Variants in PLET1 observed in about 807,000 individuals in gnomAD.
PLET1 encodes the protein placenta expressed transcript 1.
In PLET1, 20 loss-of-function variants were observed where a neutral mutation model predicts 18.5. The ratio of observed to expected loss-of-function variants is 1.08; its 90% CI spans 0.76 to 1.57. The LOEUF (loss-of-function observed/expected upper bound fraction) is 1.57. Ranked by LOEUF, PLET1 falls within the 40% of genes most tolerant of loss-of-function variation. The pLI, the probability that PLET1 is intolerant of heterozygous loss-of-function variation, is 0.00. For synonymous variants in PLET1, 93 were observed against 93.8 expected (o/e 0.99, Z 0.05); for missense variants, 256 against 246.4 (o/e 1.04, Z -0.26).
At chr11:112,249,963 TAAAAAAAA>T (rs61227342) in intron 3 of PLET1, among the ~76,000 whole-genome samples, 2 of 105,500 alleles carry the variant, frequency 1.9e-5, no homozygotes, top group South Asian at 6.7e-4. Flanking sequence ...TCTCAAAAAT[TAAAAAAAA>T]AAAAAAAAAA....
chr11:112,260,628 G>A lies in PLET1; in HGVS notation c.-39C>T. 2.0e-6 allele frequency: 3 copies of A among 1,516,230 alleles called. No homozygotes were observed. The highest frequency in any genetic ancestry group is 2.7e-6 in the Non-Finnish European group (3 of 1,123,806). 93.9% of individuals were successfully genotyped at this position (1,516,230 alleles called of 1,614,324 possible). Reference sequence around the variant, plus strand: ...TTGGAAAGTGCTAGGCCTGGAATTGGGTGAAACTGACAACTCACCTCTTGT... The same window carrying A: ...TTGGAAAGTGCTAGGCCTGGAATTGAGTGAAACTGACAACTCACCTCTTGT... On this transcript the variant is annotated 5_prime_UTR_variant, in exon 1 of 4. Transcript: ENST00000338832.
At chr11:112,250,753 G>C (rs1860147550) in intron 3 of PLET1, among the ~76,000 whole-genome samples, 1 of 152,060 alleles carries the variant, frequency 6.6e-6, no homozygotes, top group Non-Finnish European at 1.5e-5. Context: ...ATTCCTTCCT[G>C]TGTGAGATCC....
chr11:112,257,367 C>G (rs910583055), intron 1 of PLET1, among the ~76,000 whole-genome samples: 1 of 112,252 alleles, frequency 8.9e-6, no homozygotes, highest in Non-Finnish European at 1.9e-5. Context: ...TTTTAACTCT[C>G]GTTCCTTTTT....
At chr11:112,250,154 C>G (rs574489242) in intron 3 of PLET1, among the ~76,000 whole-genome samples, 5 of 112,826 alleles carry the variant, frequency 4.4e-5, no homozygotes, top group African/African-American at 1.6e-4. Flanking sequence ...CAACTACTTT[C>G]TTTTTCTTTT....
intron 3 of PLET1, among the ~76,000 whole-genome samples, chr11:112,251,283 T>TA (rs11317998): frequency 2.8e-4 from 42 of 147,962 alleles, no homozygotes; most frequent in Admixed American, 1.6e-3. Context: ...TTTTGTAAAT[T>TA]AAAAAAAAAA....
intron 1 of PLET1, among the ~76,000 whole-genome samples, chr11:112,256,826 A>G (rs948748952): frequency 1.3e-5 from 2 of 152,256 alleles, no homozygotes; most frequent in African/African-American, 4.8e-5. Flanking sequence ...GAAGGTGAGC[A>G]GAGACAGTGT....
At chr11:112,249,963 T>TAAAAAAA (rs61227342) in intron 3 of PLET1, among the ~76,000 whole-genome samples, 6 of 105,458 alleles carry the variant, frequency 5.7e-5, no homozygotes, top group South Asian at 3.4e-4. Flanking sequence ...TCTCAAAAAT[T>TAAAAAAA]AAAAAAAAAA....
chr11:112,255,711 G>A (rs960074002), intron 1 of PLET1, 122 bp from the exon 2 acceptor site: 16 of 793,944 alleles, frequency 2.0e-5, no homozygotes, highest in Admixed American at 8.3e-5. Flanking sequence ...TATGCACATC[G>A]AGTATATGGT....
chr11:112,257,277 C>T (rs1468199616), intron 1 of PLET1, among the ~76,000 whole-genome samples: 1 of 152,132 alleles, frequency 6.6e-6, no homozygotes, highest in Non-Finnish European at 1.5e-5. Flanking sequence ...GAAAGCCTTC[C>T]TTCCCTCTCA....
intron 1 of PLET1, among the ~76,000 whole-genome samples, chr11:112,257,823 A>G (rs1377276415): frequency 6.6e-6 from 1 of 152,202 alleles, no homozygotes; most frequent in Non-Finnish European, 1.5e-5. Flanking sequence ...TTTCAAAACC[A>G]AAATAAGGAA....
chr11:112,254,681 ATGTG>A (rs1410708709), intron 2 of PLET1, among the ~76,000 whole-genome samples: 3 of 79,664 alleles, frequency 3.8e-5, no homozygotes, highest in Admixed American at 1.4e-4. Flanking sequence ...TGTGGTATGT[ATGTG>A]TGTGTGGTGT....
intron 3 of PLET1, among the ~76,000 whole-genome samples, chr11:112,249,338 G>A (rs1355652819): frequency 3.3e-5 from 5 of 152,162 alleles, no homozygotes; most frequent in Admixed American, 3.3e-4. Context: ...GTTAATCAGT[G>A]CAAATATGAT....
At chr11:112,258,212 C>T (rs1860245304) in intron 1 of PLET1, among the ~76,000 whole-genome samples, 1 of 151,474 alleles carries the variant, frequency 6.6e-6, no homozygotes, top group Non-Finnish European at 1.5e-5. Flanking sequence ...TTTCTCCTGT[C>T]TTTCTGCTTT....
chr11:112,254,638 G>A (rs201915894), intron 2 of PLET1, among the ~76,000 whole-genome samples: 1 of 133,748 alleles, frequency 7.5e-6, no homozygotes, highest in Non-Finnish European at 1.5e-5. Context: ...GAGTGTGTGT[G>A]GTGTGTGGTG....
intron 2 of PLET1, among the ~76,000 whole-genome samples, chr11:112,254,743 GCT>G (rs1860198632): frequency 8.0e-6 from 1 of 124,608 alleles, no homozygotes. Flanking sequence ...GTGTGTGTGT[GCT>G]GTGTGTGTGG....
chr11:112,255,286 T>C (rs535071990), intron 2 of PLET1, 102 bp downstream of exon 2: 1 of 1,210,380 alleles, frequency 8.3e-7, no homozygotes, highest in East Asian at 2.5e-5. Context: ...GTTCTCCATA[T>C]CACGTCTGGA....
At chr11:112,258,345 G>A (rs1449346586) in intron 1 of PLET1, among the ~76,000 whole-genome samples, 15 of 143,892 alleles carry the variant, frequency 1.0e-4, no homozygotes, top group Non-Finnish European at 1.8e-4. Context: ...GTGCAGTGAC[G>A]TGGTCTCGGC....
intron 1 of PLET1, among the ~76,000 whole-genome samples, chr11:112,258,514 G>A (rs969639481): frequency 6.6e-6 from 1 of 152,026 alleles, no homozygotes; most frequent in Non-Finnish European, 1.5e-5. Flanking sequence ...GAACTCTTGA[G>A]CTCAAGCAAT....
In PLET1 at chr11:112,255,520, G is replaced by T. The variant is rs1362974142; in HGVS notation, c.254C>A (p.Ala85Glu). ...MKTLDENSDS[A>E]GLWQRADKNC... The stretch of plus-strand genomic sequence containing the variant: ...TTTATCCGCTCTTTGCCAGAGGCCC[G>T]CTGAGTCACTGTTCTCGTCCAAGGT... The change falls in exon 2 of 4, where the codon GCG becomes GAG. Residue 85 changes from alanine to glutamate, a missense_variant. Coordinates refer to ENST00000338832, the MANE Select transcript of PLET1 (RefSeq NM_001145024.1). 1.3e-6 allele frequency: 2 copies of T among 1,551,658 alleles called. No homozygotes were observed. Among genetic ancestry groups the T allele is most frequent in the East Asian group, 2.4e-5 (1 of 40,922 alleles).
Sources: allele counts gnomAD v4.1 joint callset (sites outside exome capture counted in the v4.1 genomes callset), GRCh38; gene constraint gnomAD v4.1.1; transcripts MANE v1.5; gene names NCBI Gene and HGNC (gene_info 2026-07-23, HGNC 2026-07-21).